TSC22D1: variants seen among roughly 807,000 people sequenced by gnomAD.
TSC22D1 encodes the protein TSC22 domain family member 1, also known as TSC22 domain family protein 1.
TSC22D1 carries 9 observed loss-of-function variants against 74.2 expected under a neutral mutation model. The observed-to-expected ratio is 0.12, with a 90% CI of 0.07 to 0.21. TSC22D1 has a LOEUF of 0.21. Among genes scored for constraint, TSC22D1 ranks in the 10% least tolerant of loss-of-function variants. The pLI, the probability that TSC22D1 is intolerant of heterozygous loss-of-function variation, is 1.00. For missense variants in TSC22D1, 1,427 were observed against 1,304.7 expected (o/e 1.09, Z -1.44); for synonymous variants, 586 against 492.5 (o/e 1.19, Z -2.51).
At chr13:44,479,322 A>ATTT (rs35004474) in intron 1 of TSC22D1, among the ~76,000 whole-genome samples, 19 of 134,112 alleles carry the variant, frequency 1.4e-4, no homozygotes, top group African/African-American at 4.7e-4. Context: ...TCTTTCTGTG[A>ATTT]TTTTTTTTTT....
At position 44,573,199 on chromosome 13, in the gene TSC22D1, G is replaced by T; in HGVS notation, c.2876C>A (p.Pro959Gln). Residue 959 changes from proline (P) to glutamine (Q), a missense_variant, in exon 1 of 3, where the codon CCG becomes CAG. Around this residue, in one of 3 missense-constraint regions of TSC22D1, gnomAD observed 1,343 missense variants for 1,191.5 expected, o/e 1.13. Coordinates refer to ENST00000458659, the MANE Select transcript of TSC22D1 (RefSeq NM_183422.4). ...SASLFPLKVL[P>Q]LTTPLVDGED... Reference sequence around the variant, plus strand: ...GCCATCCACCAGGGGTGTCGTCAGCGGTAGCACCTTCAACGGGAAAAGAGA... The same window carrying T: ...GCCATCCACCAGGGGTGTCGTCAGCTGTAGCACCTTCAACGGGAAAAGAGA... The T allele has an allele frequency of 1.9e-6, 3 of 1,614,122 alleles. No homozygotes were observed. The highest frequency in any genetic ancestry group is 1.7e-6 in the Non-Finnish European group (2 of 1,180,032).
At chr13:44,551,778 G>A (rs1882297307) in intron 1 of TSC22D1, among the ~76,000 whole-genome samples, 1 of 150,920 alleles carries the variant, frequency 6.6e-6, no homozygotes. Context: ...GTTCAGACCT[G>A]TAATCCCAAC....
At chr13:44,515,314 TA>T (rs966569760) in intron 1 of TSC22D1, among the ~76,000 whole-genome samples, 4 of 151,484 alleles carry the variant, frequency 2.6e-5, no homozygotes, top group African/African-American at 9.7e-5. Context: ...ATTTTTTTTT[TA>T]AAAAGAATAA....
At chr13:44,482,658 C>T (rs925047446) in intron 1 of TSC22D1, among the ~76,000 whole-genome samples, 1 of 152,136 alleles carries the variant, frequency 6.6e-6, no homozygotes, top group Non-Finnish European at 1.5e-5. Flanking sequence ...ACCATACTAC[C>T]CTTTACTCTA....
chr13:44,555,818 C>A (rs1363318598), intron 1 of TSC22D1, among the ~76,000 whole-genome samples: 2 of 150,412 alleles, frequency 1.3e-5, no homozygotes, highest in Non-Finnish European at 3.0e-5. Context: ...TTTCATTAGT[C>A]AAGGTGTTTT....
At chr13:44,545,953 G>T (rs1479723650) in intron 1 of TSC22D1, among the ~76,000 whole-genome samples, 2 of 151,434 alleles carry the variant, frequency 1.3e-5, no homozygotes, top group African/African-American at 4.9e-5. Context: ...CTACAGCCTG[G>T]GTGACAGAGC....
intron 1 of TSC22D1, among the ~76,000 whole-genome samples, chr13:44,572,619 A>G (rs1281141683): frequency 6.6e-6 from 1 of 152,202 alleles, no homozygotes; most frequent in Non-Finnish European, 1.5e-5. Context: ...AAGTACGCAA[A>G]AGTTGGTCAG....
intron 1 of TSC22D1, among the ~76,000 whole-genome samples, chr13:44,473,428 G>A (rs571148986): frequency 4.2e-4 from 64 of 152,220 alleles, no homozygotes; most frequent in African/African-American, 1.3e-3. Context: ...CCAGGAGGTC[G>A]AGGTTGCAGT....
In TSC22D1 at chr13:44,536,926, G is replaced by GAAAAAAAAA. The variant is rs10596156; in HGVS notation, c.2912+36228_2912+36236dup. On this transcript the variant is annotated intron_variant, in intron 1 of 2. Coordinates refer to ENST00000458659, the MANE Select transcript of TSC22D1 (RefSeq NM_183422.4). ...TAACAGTTCAAAAAAGTATTTTTCT[G>GAAAAAAAAA]AAAAAAAAAAAAAAAAAAAAAAAAA... is the stretch of plus-strand genomic sequence containing the variant. 95 of 495,128 alleles carry GAAAAAAAAA rather than the reference G, an allele frequency of 1.9e-4. 1 individual carries two copies. Among genetic ancestry groups the GAAAAAAAAA allele is most frequent in the African/African-American group, 9.4e-4 (20 of 21,370 alleles). 30.7% of individuals were successfully genotyped at this position (495,128 alleles called of 1,614,324 possible). A position where few individuals can be genotyped will look rare whatever the true frequency, so the allele number is the denominator to read the frequency against.
intron 1 of TSC22D1, chr13:44,538,756 A>G: frequency 1.0e-6 from 1 of 985,416 alleles, no homozygotes; most frequent in Non-Finnish European, 1.2e-6. Context: ...TTCTAGACAT[A>G]TTGCATGGAT....
intron 1 of TSC22D1, among the ~76,000 whole-genome samples, chr13:44,525,776 C>A (rs1453527880): frequency 7.2e-6 from 1 of 139,674 alleles, no homozygotes; most frequent in Non-Finnish European, 1.5e-5. Flanking sequence ...TTACCCAATA[C>A]ATCATATCTA....
chr13:44,444,309 G>GA (rs1875454870), intron 1 of TSC22D1, among the ~76,000 whole-genome samples: 1 of 70,594 alleles, frequency 1.4e-5, no homozygotes, highest in Non-Finnish European at 2.7e-5. Context: ...AAAAAAAAAA[G>GA]AAAAGAAAAG....
chr13:44,532,333 T>C (rs1387974631), intron 1 of TSC22D1, among the ~76,000 whole-genome samples: 1 of 152,166 alleles, frequency 6.6e-6, no homozygotes, highest in Non-Finnish European at 1.5e-5. Flanking sequence ...ACTGGATAAA[T>C]ATTTAAGGAG....
Position 44,573,331 on chromosome 13 carries a change from C to A in TSC22D1, c.2744G>T (p.Arg915Leu), listed in dbSNP as rs779099613. ...AIGSQIEDARRAAEPSLVGLP... is the reference protein window; with the variant it reads ...AIGSQIEDARLAAEPSLVGLP... Reference sequence around the variant, plus strand: ...GCCAACTAAGGAGGGCTCCGCTGCACGCCTGGCATCTTCAATTTGGCTTCC... The same window carrying A: ...GCCAACTAAGGAGGGCTCCGCTGCAAGCCTGGCATCTTCAATTTGGCTTCC... The change falls in exon 1 of 3, where the codon CGT becomes CTT. Residue 915 changes from arginine to leucine, a missense_variant. Coordinates refer to ENST00000458659, the MANE Select transcript of TSC22D1 (RefSeq NM_183422.4). The A allele has an allele frequency of 2.5e-6, 4 of 1,614,238 alleles. No homozygotes were observed. Among genetic ancestry groups the A allele is most frequent in the Admixed American group, 1.7e-5 (1 of 60,026 alleles).
At chr13:44,456,111 T>A (rs922411255) in intron 1 of TSC22D1, among the ~76,000 whole-genome samples, 1 of 152,172 alleles carries the variant, frequency 6.6e-6, no homozygotes, top group African/African-American at 2.4e-5. Flanking sequence ...CTCGCTGACT[T>A]AAAGAATAAA....
chr13:44,453,229 G>A (rs1876297677), intron 1 of TSC22D1, among the ~76,000 whole-genome samples: 1 of 152,108 alleles, frequency 6.6e-6, no homozygotes, highest in Admixed American at 6.5e-5. Context: ...ACAACCATAA[G>A]GATTTTGTTT....
chr13:44,531,920 A>C, intron 1 of TSC22D1, among the ~76,000 whole-genome samples: 1 of 152,194 alleles, frequency 6.6e-6, no homozygotes, highest in East Asian at 1.9e-4. Context: ...TATTTGATAT[A>C]TGTCCTACAC....
intron 1 of TSC22D1, among the ~76,000 whole-genome samples, chr13:44,448,511 T>G (rs1875865278): frequency 6.6e-6 from 1 of 152,172 alleles, no homozygotes; most frequent in Non-Finnish European, 1.5e-5. Context: ...CTCCAGAATG[T>G]CTAATGTAGT....
intron 1 of TSC22D1, among the ~76,000 whole-genome samples, chr13:44,490,787 C>A (rs1878665011): frequency 6.6e-6 from 1 of 151,772 alleles, no homozygotes; most frequent in Non-Finnish European, 1.5e-5. Flanking sequence ...ATCCCAGCTA[C>A]TCGGGAGGCT....
Sources: allele counts gnomAD v4.1 joint callset (sites outside exome capture counted in the v4.1 genomes callset), GRCh38; gene constraint gnomAD v4.1.1; regional missense constraint gnomAD v4.1.1; transcripts MANE v1.5; gene names NCBI Gene and HGNC (gene_info 2026-07-23, HGNC 2026-07-21).